The following SGCD variants were observed in gnomAD, a reference collection of about 807,000 sequenced individuals.
SGCD encodes delta-sarcoglycan.
In SGCD, 18 loss-of-function variants were observed where a neutral mutation model predicts 36.6. The ratio of observed to expected loss-of-function variants is 0.49; its 90% confidence interval spans 0.34 to 0.73. The LOEUF (loss-of-function observed/expected upper bound fraction) is 0.73, where lower values mean the gene tolerates loss of function less well. Among genes scored for constraint, SGCD ranks in the 30% least tolerant of loss-of-function variants. The probability of loss-of-function intolerance (pLI) is 0.01; values close to 1 mark genes in which losing one functional copy is unlikely to be tolerated. For missense variants in SGCD, 387 were observed against 346.7 expected (o/e 1.12, Z -0.92); for synonymous variants, 133 against 130.6 (o/e 1.02, Z -0.12).
At chr5:156,547,547 A>G (rs898807451) in intron 4 of SGCD, among the ~76,000 whole-genome samples, 2 of 150,782 alleles carry the variant, frequency 1.3e-5, no homozygotes, top group Non-Finnish European at 2.9e-5. Flanking sequence ...GGTTCACGCC[A>G]TTCTCCTGCC....
intron 3 of SGCD, among the ~76,000 whole-genome samples, chr5:156,268,571 CTT>C (rs1561592524): frequency 1.1e-5 from 1 of 93,558 alleles, no homozygotes; most frequent in Non-Finnish European, 2.7e-5. Flanking sequence ...TTGCTCCTTC[CTT>C]CCTTCCTTCC....
intron 7 of SGCD, among the ~76,000 whole-genome samples, chr5:156,693,226 A>G (rs1435021479): frequency 1.3e-5 from 2 of 152,200 alleles, no homozygotes; most frequent in Admixed American, 1.3e-4. Context: ...CTAGAGTCCA[A>G]TAGCTACACA....
chr5:156,214,534 G>A (rs1764526464), intron 3 of SGCD, among the ~76,000 whole-genome samples: 1 of 151,914 alleles, frequency 6.6e-6, no homozygotes, highest in South Asian at 2.1e-4. Context: ...TATTACACAA[G>A]TGATATAAAT....
rs768442114 is a variant in SGCD at position 156,594,913 on chromosome 5, ATC to A, written c.383-13_383-12del. On this transcript the variant is annotated splice_polypyrimidine_tract_variant and intron_variant, in intron 5 of 8. Transcript: ENST00000337851. ...TCTCCTCTCTCCTCTCTATCTCTCT[ATC>A]TCTCTATATCTCTCAGGTCCAAAAG... 1 of 1,496,506 alleles carries A rather than the reference ATC, an allele frequency of 6.7e-7. No homozygotes were observed. Among genetic ancestry groups the A allele is most frequent in the Non-Finnish European group, 9.2e-7 (1 of 1,081,368 alleles). 92.7% of individuals were successfully genotyped at this position (1,496,506 alleles called of 1,614,324 possible).
rs190348124 is a variant in SGCD, at chr5:156,103,446, A to T, written c.-281-14432A>T. Reference sequence around the variant, plus strand: ...GCTGGATGCATTGATTCATGTCTTTATTTCTTCTCAGTTTAACACATAATA... The same window carrying T: ...GCTGGATGCATTGATTCATGTCTTTTTTTCTTCTCAGTTTAACACATAATA... On this transcript the variant is annotated intron_variant, in intron 1 of 9. Transcript: ENST00000517913. 5.9e-3 allele frequency among the ~76,000 whole-genome samples: 905 copies of T among 152,208 alleles called. 3 individuals carry two copies. The highest frequency in any genetic ancestry group is 0.021 in the African/African-American group (853 of 41,546).
chr5:156,474,380 G>T (rs1022045018), intron 3 of SGCD, among the ~76,000 whole-genome samples: 4 of 152,184 alleles, frequency 2.6e-5, no homozygotes, highest in Non-Finnish European at 4.4e-5. Flanking sequence ...GCACTTATGC[G>T]TACCCTTCCT....
At chr5:156,382,015 C>T (rs990368448) in intron 3 of SGCD, among the ~76,000 whole-genome samples, 12 of 152,094 alleles carry the variant, frequency 7.9e-5, no homozygotes, top group Admixed American at 5.2e-4. Flanking sequence ...TTTACATTAT[C>T]ATCTTTAATT....
At chr5:156,342,089 A>C (rs1397431686) in intron 2 of SGCD, among the ~76,000 whole-genome samples, 1 of 152,206 alleles carries the variant, frequency 6.6e-6, no homozygotes, top group Non-Finnish European at 1.5e-5. Context: ...CAAGAGAATC[A>C]CTGCATTCTG....
rs77914847 is a variant in SGCD, at chr5:156,580,203, G to C, written c.295-9028G>C. On this transcript the variant is annotated intron_variant, in intron 4 of 8. Transcript: ENST00000337851. Reference sequence around the variant, plus strand: ...ATTTCGGCTGAATATGAAATTCTGGGTTGAAAACTCTTTTCTTTAAGAATG... The same window carrying C: ...ATTTCGGCTGAATATGAAATTCTGGCTTGAAAACTCTTTTCTTTAAGAATG... 5.1e-4 allele frequency among the ~76,000 whole-genome samples: 77 copies of C among 152,280 alleles called. 1 individual carries two copies. Among genetic ancestry groups the C allele is most frequent in the African/African-American group, 1.8e-3 (74 of 41,544 alleles).
At chr5:156,556,106 T>G (rs577546029) in intron 4 of SGCD, among the ~76,000 whole-genome samples, 2 of 143,486 alleles carry the variant, frequency 1.4e-5, no homozygotes, top group Admixed American at 7.0e-5. Flanking sequence ...GAAAATACTT[T>G]CTGATACAGA....
At chr5:155,975,361 T>C (rs2127560821) in intron 1 of SGCD, among the ~76,000 whole-genome samples, 1 of 152,218 alleles carries the variant, frequency 6.6e-6, no homozygotes, top group Middle Eastern at 3.4e-3. Flanking sequence ...TGGAGACTTT[T>C]TGATTTTCAT....
At chr5:156,493,087 G>A (rs1398870677) in intron 3 of SGCD, among the ~76,000 whole-genome samples, 2 of 152,120 alleles carry the variant, frequency 1.3e-5, no homozygotes, top group Non-Finnish European at 2.9e-5. Context: ...CCAGTAATGG[G>A]ATTGCTGGGT....
intron 3 of SGCD, among the ~76,000 whole-genome samples, chr5:156,226,223 C>T (rs1764853704): frequency 6.6e-6 from 1 of 152,046 alleles, no homozygotes; most frequent in African/African-American, 2.4e-5. Context: ...CCCCGACTCC[C>T]GCCCTTTCCC....
At chr5:155,909,945 T>C (rs772758627) in intron 1 of SGCD, among the ~76,000 whole-genome samples, 3 of 152,122 alleles carry the variant, frequency 2.0e-5, no homozygotes, top group Non-Finnish European at 4.4e-5. Context: ...ACTGTTTTAA[T>C]AGTCTGGGAG....
At chr5:156,708,141 A>G (rs1369926438) in intron 7 of SGCD, among the ~76,000 whole-genome samples, 1 of 152,178 alleles carries the variant, frequency 6.6e-6, no homozygotes, top group Non-Finnish European at 1.5e-5. Context: ...GCCTTTTGGT[A>G]TGTAATAGCT....
chr5:155,937,499 GA>G (rs1407302748), intron 1 of SGCD, among the ~76,000 whole-genome samples: 1 of 152,202 alleles, frequency 6.6e-6, no homozygotes, highest in African/African-American at 2.4e-5. Flanking sequence ...ATCCATAAAA[GA>G]AGTGGAGGGA....
intron 1 of SGCD, among the ~76,000 whole-genome samples, chr5:155,883,554 C>T (rs531484776): frequency 2.0e-5 from 3 of 152,128 alleles, no homozygotes; most frequent in African/African-American, 7.2e-5. Flanking sequence ...GTTGGTGGAA[C>T]AGTTCACAAC....
the SGCD span, among the ~76,000 whole-genome samples, chr5:155,729,559 C>T: frequency 2.0e-5 from 3 of 152,166 alleles, no homozygotes; most frequent in African/African-American, 7.2e-5. Context: ...TGTCTTGATC[C>T]GCGGTGCGGT....
intron 3 of SGCD, among the ~76,000 whole-genome samples, chr5:156,142,868 G>A (rs1267321892): frequency 6.6e-6 from 1 of 152,210 alleles, no homozygotes; most frequent in Non-Finnish European, 1.5e-5. Flanking sequence ...TTTGCAGCCT[G>A]ACCCTGTAGT....
Sources: gnomAD v4.1 joint callset for allele counts (sites outside exome capture counted in the v4.1 genomes callset) on GRCh38, gnomAD v4.1.1 for gene constraint, MANE v1.5 for transcripts, NCBI Gene and HGNC (gene_info 2026-07-23, HGNC 2026-07-21) for gene names.